Variants in SLC38A9 observed in about 807,000 individuals in gnomAD.
The protein encoded by SLC38A9 is solute carrier family 38 member 9.
Under a neutral mutation model 62.3 loss-of-function variants are expected in SLC38A9, and 48 were observed. That is an observed-to-expected ratio of 0.77 (90% CI 0.61 to 0.98). SLC38A9 has a LOEUF of 0.98. Ranked by LOEUF, SLC38A9 falls within the 50% of genes least tolerant of loss-of-function variation. The pLI is 0.00. For missense variants in SLC38A9, 541 were observed against 679.8 expected (o/e 0.80, Z 2.27); for synonymous variants, 204 against 227.7 (o/e 0.90, Z 0.94).
At chr5:55,701,602 C>T (rs1756655198) in intron 2 of SLC38A9, among the ~76,000 whole-genome samples, 1 of 152,198 alleles carries the variant, frequency 6.6e-6, no homozygotes, top group Non-Finnish European at 1.5e-5. Context: ...GTACTCTACA[C>T]AGCATGTCAA....
At chr5:55,710,471 A>T (rs550399332) in intron 2 of SLC38A9, among the ~76,000 whole-genome samples, 46 of 152,136 alleles carry the variant, frequency 3.0e-4, no homozygotes, top group African/African-American at 1.1e-3. Flanking sequence ...GCCTCCCAAA[A>T]GTGTTGGGAT....
intron 9 of SLC38A9, among the ~76,000 whole-genome samples, chr5:55,655,546 C>T (rs556470897): frequency 1.3e-5 from 2 of 152,232 alleles, no homozygotes; most frequent in South Asian, 4.1e-4. Flanking sequence ...GGAATAAAAG[C>T]TAGTACTTTA....
intron 3 of SLC38A9, chr5:55,697,325 T>A (rs1324334140): frequency 6.5e-6 from 1 of 152,746 alleles, no homozygotes; most frequent in East Asian, 1.9e-4. Context: ...CATTTTCTCA[T>A]TGGAAGTCTA....
intron 2 of SLC38A9, 120 bp downstream of exon 2, chr5:55,711,332 A>C (rs1758021885): frequency 6.5e-6 from 1 of 153,054 alleles, no homozygotes; most frequent in South Asian, 2.1e-4. Context: ...AAAAGAAAAC[A>C]AGGTGGAGGT....
chr5:55,633,978 G>A, intron 13 of SLC38A9, 76 bp from the exon 14 acceptor site: 1 of 1,182,676 alleles, frequency 8.5e-7, no homozygotes, highest in Non-Finnish European at 1.2e-6. Context: ...AATGTCTTCT[G>A]CTTATTTTGA....
chr5:55,682,777 C>CAAAT (rs61474699), intron 3 of SLC38A9, among the ~76,000 whole-genome samples: 3 of 150,738 alleles, frequency 2.0e-5, no homozygotes, highest in African/African-American at 7.3e-5. Flanking sequence ...CAAAAACAGA[C>CAAAT]GTGTGTGTGT....
chr5:55,627,258 A>C (rs933994289), intron 15 of SLC38A9, among the ~76,000 whole-genome samples: 1 of 152,052 alleles, frequency 6.6e-6, no homozygotes, highest in Non-Finnish European at 1.5e-5. Flanking sequence ...GTTCCTTGTT[A>C]CTTTCTTAGG....
At chr5:55,649,410 G>A in intron 10 of SLC38A9, 96 bp from the exon 11 acceptor site, 1 of 688,470 alleles carries the variant, frequency 1.5e-6, no homozygotes, top group Non-Finnish European at 2.3e-6. Context: ...AGCAAAGTGT[G>A]GGAAACTGTT....
intron 3 of SLC38A9, chr5:55,696,703 A>ATC (rs1554068564): frequency 1.6e-5 from 1 of 63,454 alleles, no homozygotes; most frequent in African/African-American, 5.3e-5. Flanking sequence ...CGGGGGGCTG[A>ATC]CCCCCCCACC....
chr5:55,681,505 G>A (rs1752999586), intron 3 of SLC38A9, among the ~76,000 whole-genome samples: 1 of 152,134 alleles, frequency 6.6e-6, no homozygotes, highest in Non-Finnish European at 1.5e-5. Flanking sequence ...GTTTATGGCA[G>A]TTAAAATCTT....
At position 55,666,905 on chromosome 5, in the gene SLC38A9, C is replaced by T. The variant is rs193089747; in HGVS notation, c.527-2042G>A. Among the ~76,000 whole-genome samples the T allele has an allele frequency of 1.7e-3, 262 of 152,004 alleles. 1 individual carries two copies. The highest frequency in any genetic ancestry group is 6.0e-3 in the African/African-American group (250 of 41,458). ...TGGTGGGTGCCTGTAGTTCCAGCTACTCGGGAGGCTGAGGCAGGAGAATGG... is the reference window on the plus strand; with the variant it reads ...TGGTGGGTGCCTGTAGTTCCAGCTATTCGGGAGGCTGAGGCAGGAGAATGG... On this transcript the variant is annotated intron_variant, in intron 7 of 15. Coordinates refer to ENST00000396865, the MANE Select transcript of SLC38A9 (RefSeq NM_173514.4).
At position 55,635,539 on chromosome 5, in the gene SLC38A9, C is replaced by T. The variant is rs757406359; in HGVS notation, c.1281+5G>A. On this transcript the variant is annotated splice_donor_5th_base_variant and intron_variant, in intron 13 of 15. Transcript: ENST00000396865. Reference sequence around the variant, plus strand: ...ATCACACAGAGAGGGTACACGGTGCCTTACCTGCTCAATACAATCTTTGGA... The same window carrying T: ...ATCACACAGAGAGGGTACACGGTGCTTTACCTGCTCAATACAATCTTTGGA... The T allele has an allele frequency of 1.9e-6, 3 of 1,598,096 alleles. No individual in the cohort carries two copies. Among genetic ancestry groups the T allele is most frequent in the East Asian group, 2.2e-5 (1 of 44,784 alleles).
chr5:55,690,331 A>G (rs1194411530), intron 3 of SLC38A9, among the ~76,000 whole-genome samples: 1 of 152,124 alleles, frequency 6.6e-6, no homozygotes, highest in Admixed American at 6.5e-5. Context: ...TAAGGCCAGG[A>G]TTTGCTAAAC....
intron 3 of SLC38A9, among the ~76,000 whole-genome samples, chr5:55,674,581 G>A (rs1751824614): frequency 6.6e-6 from 1 of 152,118 alleles, no homozygotes; most frequent in Non-Finnish European, 1.5e-5. Flanking sequence ...CTACATGTGG[G>A]CCCTTTGACC....
At chr5:55,656,996 G>C (rs1227784766) in intron 8 of SLC38A9, among the ~76,000 whole-genome samples, 2 of 152,018 alleles carry the variant, frequency 1.3e-5, no homozygotes, top group African/African-American at 4.8e-5. Context: ...GAGTAGCTGG[G>C]ACTACAAGCG....
intron 3 of SLC38A9, among the ~76,000 whole-genome samples, chr5:55,686,636 TG>T (rs35665649): frequency 0.6 from 91,011 of 151,888 alleles, 27,837 homozygotes; most frequent in South Asian, 0.7. Context: ...AGATCCCATT[TG>T]TCAATTTTTC....
intron 3 of SLC38A9, among the ~76,000 whole-genome samples, chr5:55,687,426 C>CAAAAAAAAAA (rs34476189): frequency 5.2e-5 from 4 of 76,394 alleles, no homozygotes; most frequent in African/African-American, 2.2e-4. Flanking sequence ...GACTCCGTCT[C>CAAAAAAAAAA]AAAAAAAAAA....
At position 55,626,456 on chromosome 5, in the gene SLC38A9, A is replaced by G; in HGVS notation, c.*38T>C. 1 of 1,561,082 alleles carries G rather than the reference A, an allele frequency of 6.4e-7. No homozygotes were observed. ...TATAGAACTGTTGTCAAGGCTCAAA[A>G]TATCATGAGAGCTCTTGAAAAAAAC... On this transcript the variant is annotated 3_prime_UTR_variant, in exon 16 of 16. Coordinates refer to ENST00000396865, the MANE Select transcript of SLC38A9 (RefSeq NM_173514.4).
At chr5:55,709,184 C>T (rs1757679732) in intron 2 of SLC38A9, among the ~76,000 whole-genome samples, 1 of 152,102 alleles carries the variant, frequency 6.6e-6, no homozygotes, top group African/African-American at 2.4e-5. Flanking sequence ...TTTGACAGTG[C>T]TGGAGGATAG....
Sources: gnomAD v4.1 joint callset for allele counts (sites outside exome capture counted in the v4.1 genomes callset) on GRCh38, gnomAD v4.1.1 for gene constraint, MANE v1.5 for transcripts, NCBI Gene and HGNC (gene_info 2026-07-23, HGNC 2026-07-21) for gene names.